TBC1D22A: variants seen among roughly 807,000 people sequenced by gnomAD.
TBC1D22A encodes the protein TBC1 domain family member 22A.
TBC1D22A carries 38 observed loss-of-function variants against 60.2 expected under a neutral mutation model. That is an observed-to-expected ratio of 0.63 (90% CI 0.49 to 0.83). The LOEUF (loss-of-function observed/expected upper bound fraction) is 0.83, where lower values mean the gene tolerates loss of function less well. TBC1D22A is among the 40% of genes least tolerant of loss of function. TBC1D22A has a pLI of 0.00. For missense variants in TBC1D22A, 628 were observed against 701.0 expected, an observed-to-expected ratio of 0.90 and a Z score of 1.18; for synonymous variants, 302 against 281.7, an observed-to-expected ratio of 1.07 and a Z score of -0.72.
Position 47,128,612 on chromosome 22 carries a change from G to A in TBC1D22A, c.1425+17009G>A, listed in dbSNP as rs981226447. Among the ~76,000 whole-genome samples, 19 of 151,868 alleles carry A rather than the reference G, an allele frequency of 1.3e-4. 1 individual carries two copies. The highest frequency in any genetic ancestry group is 4.1e-4 in the South Asian group (2 of 4,824). Reference sequence around the variant, plus strand: ...ACGAGGCTGCAGAAAATCGATTTTCGTTCCATGACTCTGCTCACAGCTATC... The same window carrying A: ...ACGAGGCTGCAGAAAATCGATTTTCATTCCATGACTCTGCTCACAGCTATC... On this transcript the variant is annotated intron_variant, in intron 12 of 12. Coordinates refer to ENST00000337137, the MANE Select transcript of TBC1D22A (RefSeq NM_014346.5).
At chr22:47,146,444 C>A (rs536124012) in intron 12 of TBC1D22A, among the ~76,000 whole-genome samples, 4 of 152,142 alleles carry the variant, frequency 2.6e-5, no homozygotes, top group Middle Eastern at 3.2e-3. Context: ...AGCTTTATTC[C>A]CGAAGAGAGA....
At chr22:46,788,561 C>T (rs2084266252) in intron 1 of TBC1D22A, among the ~76,000 whole-genome samples, 1 of 152,094 alleles carries the variant, frequency 6.6e-6, no homozygotes. Context: ...AAGTATCCAG[C>T]ACCAGCCCCA....
intron 9 of TBC1D22A, among the ~76,000 whole-genome samples, chr22:46,996,114 G>A (rs2075114450): frequency 6.6e-6 from 1 of 152,230 alleles, no homozygotes; most frequent in Admixed American, 6.5e-5. Context: ...ATCCCCCACT[G>A]TCGGAAAGGC....
At chr22:47,131,769 T>C (rs1981623169) in intron 12 of TBC1D22A, among the ~76,000 whole-genome samples, 1 of 152,214 alleles carries the variant, frequency 6.6e-6, no homozygotes, top group Non-Finnish European at 1.5e-5. Context: ...ACAGTGACCC[T>C]GGCTCTCTCG....
At chr22:46,793,921 A>T in intron 3 of TBC1D22A, 80 bp downstream of exon 3, 1 of 1,310,450 alleles carries the variant, frequency 7.6e-7, no homozygotes, top group Non-Finnish European at 1.0e-6. Context: ...ACTGTGGGAG[A>T]ATCAGTGGGT....
chr22:47,029,539 A>G (rs948776870), intron 10 of TBC1D22A, among the ~76,000 whole-genome samples: 1 of 152,010 alleles, frequency 6.6e-6, no homozygotes, highest in African/African-American at 2.4e-5. Context: ...TGACTCTACA[A>G]CCTGAGGCCT....
intron 11 of TBC1D22A, among the ~76,000 whole-genome samples, chr22:47,102,335 A>G (rs951787836): frequency 6.6e-6 from 1 of 152,018 alleles, no homozygotes; most frequent in Admixed American, 6.5e-5. Flanking sequence ...GGGCTTCTCC[A>G]CGCCACAGCC....
intron 11 of TBC1D22A, among the ~76,000 whole-genome samples, chr22:47,066,680 G>A (rs1342597979): frequency 2.6e-5 from 4 of 152,154 alleles, no homozygotes; most frequent in African/African-American, 7.2e-5. Context: ...GCAGCAGCTC[G>A]GGAGGCAGCA....
chr22:46,839,137 A>G (rs573636319), intron 4 of TBC1D22A, among the ~76,000 whole-genome samples: 7 of 152,334 alleles, frequency 4.6e-5, no homozygotes, highest in Admixed American at 4.6e-4. Flanking sequence ...TAATATACAA[A>G]TTCAGTGAAG....
At position 46,974,349 on chromosome 22, in the gene TBC1D22A, A is replaced by G; in HGVS notation, c.1075A>G (p.Ile359Val). ...CGTGCCCGCAGAGGTGCTGTGCAAC[A>G]TCGAGGCCGACACCTACTGGTGCAT... ...SGVPAEVLCN[I>V]EADTYWCMSK... Residue 359 changes from isoleucine (I) to valine (V), a missense_variant, in exon 9 of 13, where the codon ATC becomes GTC. By Grantham distance (29) the Ile-to-Val change is conservative. Coordinates refer to ENST00000337137, the MANE Select transcript of TBC1D22A (RefSeq NM_014346.5). The G allele has an allele frequency of 1.2e-6, 2 of 1,611,276 alleles. No individual in the cohort carries two copies. The highest frequency in any genetic ancestry group is 1.1e-5 in the South Asian group (1 of 90,320).
chr22:47,037,333 A>C, intron 11 of TBC1D22A, 135 bp downstream of exon 11: 1 of 1,310,178 alleles, frequency 7.6e-7, no homozygotes, highest in Non-Finnish European at 1.0e-6. Flanking sequence ...TGCGGTCTTT[A>C]AAAAGTATAC....
At chr22:46,954,415 G>T (rs544282444) in intron 8 of TBC1D22A, among the ~76,000 whole-genome samples, 2 of 152,356 alleles carry the variant, frequency 1.3e-5, no homozygotes, top group Admixed American at 1.3e-4. Context: ...GAACGAATTG[G>T]ATTTTGTGCA....
chr22:47,119,271 T>G (rs915573507), intron 12 of TBC1D22A, among the ~76,000 whole-genome samples: 1 of 152,184 alleles, frequency 6.6e-6, no homozygotes. Flanking sequence ...TTTGTTCAGT[T>G]TCAAAAATCC....
At chr22:46,845,961 G>A (rs1175929794) in intron 4 of TBC1D22A, among the ~76,000 whole-genome samples, 2 of 152,252 alleles carry the variant, frequency 1.3e-5, no homozygotes, top group Non-Finnish European at 2.9e-5. Flanking sequence ...CGGGGAGCTG[G>A]CAACAGCCAG....
intron 10 of TBC1D22A, among the ~76,000 whole-genome samples, chr22:47,004,792 A>G (rs1387784426): frequency 6.7e-6 from 1 of 149,316 alleles, no homozygotes; most frequent in East Asian, 2.0e-4. Context: ...ATACACACAC[A>G]CTCCTACACA....
intron 12 of TBC1D22A, among the ~76,000 whole-genome samples, chr22:47,146,435 G>A (rs2067289403): frequency 6.6e-6 from 1 of 152,182 alleles, no homozygotes; most frequent in South Asian, 2.1e-4. Flanking sequence ...AAATCTATAA[G>A]CTTTATTCCC....
At chr22:46,955,199 ATGTT>A (rs985467797) in intron 8 of TBC1D22A, among the ~76,000 whole-genome samples, 89 of 152,350 alleles carry the variant, frequency 5.8e-4, no homozygotes, top group African/African-American at 2.0e-3. Flanking sequence ...AATACCAATT[ATGTT>A]TGTTTGATTT....
intron 11 of TBC1D22A, among the ~76,000 whole-genome samples, chr22:47,050,115 C>T (rs1217031261): frequency 6.6e-6 from 1 of 152,216 alleles, no homozygotes; most frequent in East Asian, 1.9e-4. Flanking sequence ...AACGATTCTC[C>T]TGCCTCTGCC....
chr22:47,123,555 C>T (rs1294611624), intron 12 of TBC1D22A, among the ~76,000 whole-genome samples: 1 of 152,202 alleles, frequency 6.6e-6, no homozygotes, highest in Non-Finnish European at 1.5e-5. Context: ...CCCATTGGCT[C>T]ACAGAATGGC....
Sources: gnomAD v4.1 joint callset for allele counts (sites outside exome capture counted in the v4.1 genomes callset) on GRCh38, gnomAD v4.1.1 for gene constraint, MANE v1.5 for transcripts, NCBI Gene and HGNC (gene_info 2026-07-23, HGNC 2026-07-21) for gene names.